The following BTD variants were observed in gnomAD, a reference collection of about 807,000 sequenced individuals.
BTD encodes the protein biotinidase, also known as biocytinase.
A neutral mutation model predicts 17.7 loss-of-function variants in BTD; 13 were observed. The observed-to-expected ratio is 0.74, with a 90% CI of 0.48 to 1.17. The LOEUF (loss-of-function observed/expected upper bound fraction) is 1.17. Among genes scored for constraint, BTD ranks in the 50% most tolerant of loss-of-function variants. The pLI is 0.00. For synonymous variants in BTD, 240 were observed against 245.2 expected, an observed-to-expected ratio of 0.98 and a Z score of 0.20; for missense variants, 674 against 650.4, an observed-to-expected ratio of 1.04 and a Z score of -0.39.
chr3:15,685,950 T>A, intron 3 of BTD: 1 of 1,369,728 alleles, frequency 7.3e-7, no homozygotes, highest in Non-Finnish European at 1.0e-6. Flanking sequence ...CAGTTCTAGG[T>A]AATATGAGGT....
chr3:15,602,530 T>C (rs1302515482), intron 1 of BTD, among the ~76,000 whole-genome samples: 1 of 152,222 alleles, frequency 6.6e-6, no homozygotes, highest in Non-Finnish European at 1.5e-5. Context: ...TTAGACCCTC[T>C]GCTCAGTGAC....
chr3:15,602,261 A>AC, intron 1 of BTD: 1 of 1,251,852 alleles, frequency 8.0e-7, no homozygotes, highest in Non-Finnish European at 1.0e-6. Context: ...CCTGTTTCCT[A>AC]CCCACTATTC....
At position 15,635,385 on chromosome 3, in the gene BTD, T is replaced by C; in HGVS notation, c.-16-39T>C. On this transcript the variant is annotated intron_variant, in intron 1 of 3. Transcript: ENST00000643237. The surrounding 1 kb of genome is among the most constrained non-coding windows in gnomAD (Gnocchi z 4.1). ...AAACGTTAAATTCTTGGCAGGATTC[T>C]TTATTCAGCTGTTTTCCCCTTGCCC... 1 of 1,614,026 alleles carries C rather than the reference T, an allele frequency of 6.2e-7. No homozygotes were observed. The highest frequency in any genetic ancestry group is 1.3e-5 in the African/African-American group (1 of 75,082).
chr3:15,633,564 C>T (rs1208081140), intron 1 of BTD, among the ~76,000 whole-genome samples: 9 of 152,154 alleles, frequency 5.9e-5, no homozygotes. Flanking sequence ...ATGTTCTGTA[C>T]CCCGACATCG....
chr3:15,640,634 G>C (rs530688336), intron 2 of BTD, among the ~76,000 whole-genome samples: 1 of 152,180 alleles, frequency 6.6e-6, no homozygotes, highest in Admixed American at 6.5e-5. Context: ...CAGGTGATCT[G>C]CCCACCTGGG....
chr3:15,685,496 A>G (rs370719852), intron 3 of BTD: 3 of 1,560,046 alleles, frequency 1.9e-6, no homozygotes, highest in Admixed American at 1.7e-5. Context: ...TAAACATTAC[A>G]TGCCAATTTC....
chr3:15,707,804 G>A (rs1575288755), intron 3 of BTD: 1 of 1,230,050 alleles, frequency 8.1e-7, no homozygotes, highest in South Asian at 1.6e-5. Flanking sequence ...ATAGACTTAG[G>A]GCAAAGATAA....
chr3:15,608,320 TTTTTGTG>T (rs1486979151), intron 1 of BTD, among the ~76,000 whole-genome samples: 210 of 152,340 alleles, frequency 1.4e-3, no homozygotes, highest in African/African-American at 4.9e-3. Flanking sequence ...GTTTTTTTGT[TTTTTGTG>T]TTTTTTTAAG....
In BTD at chr3:15,652,708, G is replaced by A. The variant is rs2065825082; in HGVS notation, c.*7220G>A. Among the ~76,000 whole-genome samples the A allele has an allele frequency of 6.6e-6, 1 of 152,160 alleles. No homozygotes were observed. Among genetic ancestry groups the A allele is most frequent in the African/African-American group, 2.4e-5 (1 of 41,432 alleles). On this transcript the variant is annotated 3_prime_UTR_variant, in exon 4 of 4. Coordinates refer to ENST00000643237, the MANE Select transcript of BTD (RefSeq NM_001370658.1). ...AACTAATACAATAGTCTTGCTACCA[G>A]CACCTTAATCTCCCACATCCAAGTT...
chr3:15,601,653 A>T, upstream of BTD: 1 of 1,553,560 alleles, frequency 6.4e-7, no homozygotes, highest in Non-Finnish European at 8.7e-7. Context: ...GAGAGGTGAG[A>T]ATGTAAACAC....
intron 3 of BTD, chr3:15,675,979 C>A: frequency 6.2e-7 from 1 of 1,612,586 alleles, no homozygotes; most frequent in Non-Finnish European, 8.5e-7. Context: ...CGGGCAGCAA[C>A]ATGCAGAGGT....
At chr3:15,613,240 T>C (rs1025508552) in intron 1 of BTD, among the ~76,000 whole-genome samples, 3 of 152,212 alleles carry the variant, frequency 2.0e-5, no homozygotes, top group Admixed American at 2.0e-4. Context: ...ATTATTTTTT[T>C]CTTTTATGCA....
chr3:15,631,092 T>G lies in BTD; in HGVS notation c.-16-4332T>G, dbSNP rs75891559. 9.8e-5 allele frequency among the ~76,000 whole-genome samples: 15 copies of G among 152,348 alleles called. No individual in the cohort carries two copies. In the East Asian group the frequency reaches 2.9e-3, roughly 29 times the overall value. ...ATGTAAAAGAATTTAGACAATGAAGTCACGAAATTCATGAGAATAATTTAA... is the reference window on the plus strand; with the variant it reads ...ATGTAAAAGAATTTAGACAATGAAGGCACGAAATTCATGAGAATAATTTAA... On this transcript the variant is annotated intron_variant, in intron 1 of 3. Transcript: ENST00000643237.
chr3:15,722,175 C>G (rs1335187465), exon 5 of BTD, among the ~76,000 whole-genome samples: 2 of 152,104 alleles, frequency 1.3e-5, no homozygotes, highest in African/African-American at 4.8e-5. Context: ...TAAGATATTC[C>G]TGATAAAAGA....
intron 1 of BTD, among the ~76,000 whole-genome samples, chr3:15,605,510 C>G (rs1449058789): frequency 6.6e-6 from 1 of 152,058 alleles, no homozygotes; most frequent in South Asian, 2.1e-4. Context: ...TGACTTCTTT[C>G]AAGTCTCAGA....
exon 4 of BTD, among the ~76,000 whole-genome samples, chr3:15,711,635 A>C (rs975881239): frequency 3.3e-5 from 5 of 152,112 alleles, no homozygotes; most frequent in Admixed American, 2.0e-4. Context: ...GGGAAGAAAG[A>C]AATGGAGATT....
Position 15,646,513 on chromosome 3 carries a change from A to C in BTD, c.*1025A>C, listed in dbSNP as rs2065698726. 1 of 152,214 alleles carries C rather than the reference A, an allele frequency of 6.6e-6. No homozygotes were observed. The highest frequency in any genetic ancestry group is 1.9e-4 in the East Asian group (1 of 5,200). The allele number at this position is 152,214 out of a possible 1,614,324, so 9.4% of individuals were successfully genotyped here. A position where few individuals can be genotyped will look rare whatever the true frequency, so the allele number is the denominator to read the frequency against. On this transcript the variant is annotated 3_prime_UTR_variant, in exon 4 of 4. Transcript: ENST00000643237. ...AATCACCCAACAGGCACAGAGCAGG[A>C]GCTTCCCATGTTAGGAATTCCAGAT...
rs754068985 is a variant in BTD, at chr3:15,635,417, A to G, written c.-16-7A>G. On this transcript the variant is annotated splice_polypyrimidine_tract_variant and splice_region_variant and intron_variant, in intron 1 of 3. Transcript: ENST00000643237. This position sits in a 1 kb window ranked among gnomAD's most constrained non-coding sequence, Gnocchi z 4.1. ...AGCTGTTTTCCCCTTGCCCCATTAC[A>G]TTCCAGATTTGTGGTCTGCATTATG... The G allele has an allele frequency of 3.1e-6, 5 of 1,614,200 alleles. No homozygotes were observed. Among genetic ancestry groups the G allele is most frequent in the Non-Finnish European group, 4.2e-6 (5 of 1,180,026 alleles).
chr3:15,671,950 G>A (rs558257574), intron 3 of BTD, among the ~76,000 whole-genome samples: 1 of 152,058 alleles, frequency 6.6e-6, no homozygotes, highest in Non-Finnish European at 1.5e-5. Context: ...TTTCATATCT[G>A]GCATTTTTGT....
Sources: gnomAD v4.1 joint callset for allele counts (sites outside exome capture counted in the v4.1 genomes callset) on GRCh38, gnomAD v4.1.1 for gene constraint, Gnocchi (gnomAD v3.1) non-coding constraint, MANE v1.5 for transcripts, NCBI Gene and HGNC (gene_info 2026-07-23, HGNC 2026-07-21) for gene names.